Variants in EDA observed in about 807,000 individuals in gnomAD.
EDA encodes ectodysplasin-A.
EDA carries 2 observed loss-of-function variants against 23.6 expected under a neutral mutation model. That is an observed-to-expected ratio of 0.08 (90% CI 0.03 to 0.27). The LOEUF is 0.27. EDA is among the 10% of genes least tolerant of loss of function. The probability of loss-of-function intolerance (pLI) is 1.00; values close to 1 mark genes in which losing one functional copy is unlikely to be tolerated. For synonymous variants in EDA, 131 were observed against 132.0 expected, an observed-to-expected ratio of 0.99 and a Z score of 0.05; for missense variants, 229 against 324.2, an observed-to-expected ratio of 0.71 and a Z score of 2.26.
At chrX:69,972,005 G>T (rs1196162533) in intron 2 of EDA, among the ~76,000 whole-genome samples, 1 of 111,113 alleles carries the variant, frequency 9.0e-6, no homozygotes, top group African/African-American at 3.3e-5. Context: ...AACTTATTGG[G>T]AGATCAAGGG....
At chrX:69,730,679 A>C (rs1038022014) in intron 1 of EDA, among the ~76,000 whole-genome samples, 2 of 111,991 alleles carry the variant, frequency 1.8e-5, no homozygotes, top group Non-Finnish European at 3.8e-5. Context: ...TACCCAATAG[A>C]TGCTTAAAAT....
chrX:69,840,857 GA>G (rs2016880786), intron 1 of EDA, among the ~76,000 whole-genome samples: 1 of 111,769 alleles, frequency 8.9e-6, no homozygotes, highest in South Asian at 3.7e-4. Context: ...TCACATGTCA[GA>G]AGGCAGGTCA....
intron 1 of EDA, among the ~76,000 whole-genome samples, chrX:69,758,292 G>A (rs2014187328): frequency 8.9e-6 from 1 of 111,834 alleles, no homozygotes; most frequent in African/African-American, 3.2e-5. Flanking sequence ...TTGGGTAGAG[G>A]GTAAGACTGT....
chrX:69,779,382 G>A (rs1304592286), intron 1 of EDA, among the ~76,000 whole-genome samples: 5 of 111,496 alleles, frequency 4.5e-5, no homozygotes, highest in African/African-American at 1.6e-4. Flanking sequence ...GCTAGTACAT[G>A]AATAAACCTC....
intron 1 of EDA, among the ~76,000 whole-genome samples, chrX:69,780,376 T>A (rs1317437866): frequency 1.8e-5 from 2 of 111,746 alleles, no homozygotes; most frequent in Non-Finnish European, 3.8e-5. Context: ...AATTCACATA[T>A]CATACAGTTT....
At chrX:69,743,488 C>T (rs767381857) in intron 1 of EDA, among the ~76,000 whole-genome samples, 117 of 111,894 alleles carry the variant, frequency 1.0e-3, no homozygotes, top group African/African-American at 3.7e-3. Context: ...GTGTCAATCA[C>T]GAGCAAAATT....
chrX:69,829,647 G>T (rs759645734), intron 1 of EDA, among the ~76,000 whole-genome samples: 1 of 111,809 alleles, frequency 8.9e-6, no homozygotes, highest in South Asian at 3.8e-4. Flanking sequence ...GATCAGAAAT[G>T]GAATCACCTG....
rs927380496 is a variant in EDA, at chrX:69,904,002, G to A, written c.397-53025G>A. On this transcript the variant is annotated intron_variant, in intron 1 of 7. Coordinates refer to ENST00000374552, the MANE Select transcript of EDA (RefSeq NM_001399.5). ...ATTTTTTTGTATTTTTTTTAAAGACGGGGTTTCCCATGTTGGGCAGGCTGG... is the reference window on the plus strand; with the variant it reads ...ATTTTTTTGTATTTTTTTTAAAGACAGGGTTTCCCATGTTGGGCAGGCTGG... 2.0e-4 allele frequency among the ~76,000 whole-genome samples: 22 copies of A among 109,849 alleles called. 1 individual carries two copies. Among genetic ancestry groups the A allele is most frequent in the African/African-American group, 6.6e-4 (20 of 30,102 alleles).
At chrX:69,670,820 C>G (rs1933867311) in intron 1 of EDA, among the ~76,000 whole-genome samples, 1 of 111,315 alleles carries the variant, frequency 9.0e-6, no homozygotes, top group Admixed American at 9.6e-5. Flanking sequence ...AATTATTCTC[C>G]AATTTCATTG....
intron 1 of EDA, among the ~76,000 whole-genome samples, chrX:69,831,261 G>C (rs1317247492): frequency 2.7e-5 from 3 of 111,483 alleles, no homozygotes; most frequent in African/African-American, 9.8e-5. Flanking sequence ...CTGTGTCCAA[G>C]TGATCTTCTC....
chrX:69,950,198 A>G (rs1455295689), intron 1 of EDA, among the ~76,000 whole-genome samples: 1 of 69,865 alleles, frequency 1.4e-5, no homozygotes, highest in African/African-American at 5.5e-5. Flanking sequence ...TCATCTGACA[A>G]AGGGCTAATA....
intron 1 of EDA, among the ~76,000 whole-genome samples, chrX:69,867,255 G>A (rs2017501026): frequency 8.9e-6 from 1 of 111,836 alleles, no homozygotes; most frequent in African/African-American, 3.3e-5. Context: ...TGACAGGGGT[G>A]GCTGGGAAAA....
chrX:69,802,769 T>C lies in EDA; in HGVS notation c.397-154258T>C, dbSNP rs1406229024. Reference sequence around the variant, plus strand: ...TTGTCAATGGCTGTCTGGCAGTGTCTGCACAGTTTTTCAGTTTCACCAAAA... The same window carrying C: ...TTGTCAATGGCTGTCTGGCAGTGTCCGCACAGTTTTTCAGTTTCACCAAAA... On this transcript the variant is annotated intron_variant, in intron 1 of 7. Coordinates refer to ENST00000374552, the MANE Select transcript of EDA (RefSeq NM_001399.5). 2.7e-5 allele frequency among the ~76,000 whole-genome samples: 3 copies of C among 111,901 alleles called. No homozygotes were observed. The East Asian group carries it at 8.4e-4, about 31-fold the overall frequency.
At chrX:69,876,446 TAAAA>T (rs1240325710) in intron 1 of EDA, among the ~76,000 whole-genome samples, 1 of 110,329 alleles carries the variant, frequency 9.1e-6, no homozygotes, top group Non-Finnish European at 1.9e-5. Context: ...TAAAAAATAA[TAAAA>T]AAAGAATAAA....
chrX:69,731,672 C>T (rs780562777), intron 1 of EDA, among the ~76,000 whole-genome samples: 5 of 111,454 alleles, frequency 4.5e-5, no homozygotes, highest in East Asian at 2.8e-4. Context: ...AAACTCCTGA[C>T]CTCAGGCTAT....
chrX:69,929,750 G>A (rs1223008203), intron 1 of EDA, among the ~76,000 whole-genome samples: 1 of 103,484 alleles, frequency 9.7e-6, no homozygotes, highest in Non-Finnish European at 2.0e-5. Flanking sequence ...GTGTGTGTGT[G>A]TGTGATGTAT....
At chrX:70,024,614 C>T (rs1372468694) in intron 3 of EDA, among the ~76,000 whole-genome samples, 3 of 112,733 alleles carry the variant, frequency 2.7e-5, no homozygotes, top group Non-Finnish European at 5.6e-5. Context: ...AGGCTTTAAA[C>T]ATTTACTTTG....
intron 1 of EDA, among the ~76,000 whole-genome samples, chrX:69,911,306 T>C (rs1300542416): frequency 9.0e-6 from 1 of 111,707 alleles, no homozygotes; most frequent in Admixed American, 9.6e-5. Context: ...GCTTTCTGCT[T>C]TCTAGGATTT....
chrX:69,929,111 C>T (rs1312359334), intron 1 of EDA, among the ~76,000 whole-genome samples: 1 of 111,573 alleles, frequency 9.0e-6, no homozygotes, highest in African/African-American at 3.3e-5. Flanking sequence ...ACTTTCCACA[C>T]AACTAGGTAC....
Sources: allele counts gnomAD v4.1 joint callset (sites outside exome capture counted in the v4.1 genomes callset), GRCh38; gene constraint gnomAD v4.1.1; transcripts MANE v1.5; gene names NCBI Gene and HGNC (gene_info 2026-07-23, HGNC 2026-07-21).